The following EPHA7 variants were observed in gnomAD, a reference collection of about 807,000 sequenced individuals.
EPHA7 encodes the protein EPH receptor A7, also known as ephrin type-A receptor 7.
In EPHA7, 25 loss-of-function variants were observed where a neutral mutation model predicts 112.6. The ratio of observed to expected loss-of-function variants is 0.22; its 90% CI spans 0.16 to 0.31. The LOEUF (loss-of-function observed/expected upper bound fraction) is 0.31. EPHA7 is among the 10% of genes least tolerant of loss of function. The probability of loss-of-function intolerance (pLI) is 1.00; values close to 1 mark genes in which losing one functional copy is unlikely to be tolerated. For missense variants in EPHA7, 962 were observed against 1,212.6 expected, an observed-to-expected ratio of 0.79 and a Z score of 3.07; for synonymous variants, 437 against 406.5, an observed-to-expected ratio of 1.07 and a Z score of -0.90.
At chr6:93,315,981 A>T (rs1234407266) in intron 5 of EPHA7, among the ~76,000 whole-genome samples, 4 of 152,200 alleles carry the variant, frequency 2.6e-5, no homozygotes, top group Non-Finnish European at 5.9e-5. Context: ...TGTTGTAGAA[A>T]CTAAAGTTCC....
chr6:93,298,744 T>A (rs1356138286), intron 5 of EPHA7, among the ~76,000 whole-genome samples: 1 of 152,148 alleles, frequency 6.6e-6, no homozygotes, highest in African/African-American at 2.4e-5. Context: ...TAAGGGCTCT[T>A]GGTAGTTAAA....
At chr6:93,354,975 G>A (rs1218597837) in intron 5 of EPHA7, among the ~76,000 whole-genome samples, 1 of 152,008 alleles carries the variant, frequency 6.6e-6, no homozygotes, top group African/African-American at 2.4e-5. Context: ...TTATATTAAT[G>A]CTTCCAAAAG....
intron 5 of EPHA7, among the ~76,000 whole-genome samples, chr6:93,334,529 T>C (rs1449042943): frequency 3.9e-5 from 6 of 152,058 alleles, no homozygotes; most frequent in Non-Finnish European, 7.4e-5. Context: ...ATTAGGAACT[T>C]AAACTAATTT....
intron 6 of EPHA7, among the ~76,000 whole-genome samples, chr6:93,269,991 T>C (rs1329130159): frequency 6.6e-6 from 1 of 151,758 alleles, no homozygotes; most frequent in Non-Finnish European, 1.5e-5. Context: ...CTGTACAATC[T>C]ACAGTTTAGT....
At chr6:93,371,243 G>A (rs1776781128) in intron 3 of EPHA7, among the ~76,000 whole-genome samples, 1 of 136,622 alleles carries the variant, frequency 7.3e-6, no homozygotes, top group African/African-American at 2.5e-5. Flanking sequence ...CCCAACCATG[G>A]ATAATAAATA....
chr6:93,314,297 T>C (rs1773685400), intron 5 of EPHA7, among the ~76,000 whole-genome samples: 2 of 152,170 alleles, frequency 1.3e-5, no homozygotes, highest in Non-Finnish European at 2.9e-5. Flanking sequence ...CTTATTATAT[T>C]GTCTAACATT....
intron 3 of EPHA7, among the ~76,000 whole-genome samples, chr6:93,383,086 C>G (rs539590097): frequency 3.3e-5 from 5 of 152,022 alleles, no homozygotes; most frequent in African/African-American, 9.7e-5. Flanking sequence ...TTCCCCACTC[C>G]CTTAAATATT....
At chr6:93,388,265 AT>A (rs1458993978) in intron 3 of EPHA7, among the ~76,000 whole-genome samples, 3 of 152,172 alleles carry the variant, frequency 2.0e-5, no homozygotes, top group Non-Finnish European at 2.9e-5. Context: ...AAGGATATTC[AT>A]AATAGTCTTA....
intron 5 of EPHA7, among the ~76,000 whole-genome samples, chr6:93,336,857 AAT>A (rs1400553353): frequency 2.6e-5 from 4 of 151,752 alleles, no homozygotes; most frequent in Non-Finnish European, 4.4e-5. Context: ...TCAGTGGAGT[AAT>A]ATAAATTGGA....
intron 3 of EPHA7, among the ~76,000 whole-genome samples, chr6:93,402,730 T>C (rs1268648153): frequency 6.6e-6 from 1 of 152,044 alleles, no homozygotes; most frequent in Non-Finnish European, 1.5e-5. Flanking sequence ...TCTGTTATTT[T>C]TTGTTTTGCA....
chr6:93,418,555 G>T (rs1339356755), intron 1 of EPHA7, among the ~76,000 whole-genome samples: 1 of 152,218 alleles, frequency 6.6e-6, no homozygotes, highest in Non-Finnish European at 1.5e-5. Flanking sequence ...CTGCCCCCAT[G>T]ACCGCTGGGC....
At chr6:93,295,381 T>C (rs17448051) in intron 5 of EPHA7, among the ~76,000 whole-genome samples, 1 of 151,966 alleles carries the variant, frequency 6.6e-6, no homozygotes, top group African/African-American at 2.4e-5. Context: ...GTAGTTTCTG[T>C]AATTTTGTGT....
chr6:93,369,445 G>T (rs184986536), intron 3 of EPHA7, among the ~76,000 whole-genome samples: 1 of 152,090 alleles, frequency 6.6e-6, no homozygotes, highest in Non-Finnish European at 1.5e-5. Context: ...TCATTTAATT[G>T]TCTGTTAAAA....
intron 5 of EPHA7, among the ~76,000 whole-genome samples, chr6:93,329,527 T>C (rs1365650609): frequency 6.6e-6 from 1 of 151,310 alleles, no homozygotes; most frequent in Non-Finnish European, 1.5e-5. Context: ...TGCCATGAAC[T>C]GTGTATGAAT....
intron 5 of EPHA7, among the ~76,000 whole-genome samples, chr6:93,282,238 A>G (rs1470032757): frequency 6.6e-6 from 1 of 152,234 alleles, no homozygotes; most frequent in Non-Finnish European, 1.5e-5. Context: ...GGCAGATGTT[A>G]CACATTCTGT....
intron 2 of EPHA7, among the ~76,000 whole-genome samples, chr6:93,413,730 T>G (rs576796367): frequency 5.3e-5 from 8 of 152,040 alleles, no homozygotes; most frequent in African/African-American, 1.9e-4. Flanking sequence ...CTAAATATCT[T>G]AAACAGATTT....
At chr6:93,266,378 C>T (rs1432074118) in intron 7 of EPHA7, among the ~76,000 whole-genome samples, 1 of 151,514 alleles carries the variant, frequency 6.6e-6, no homozygotes, top group Non-Finnish European at 1.5e-5. Context: ...AGAAAGAGAA[C>T]TCTAATGAGA....
chr6:93,302,272 C>G (rs907334976), intron 5 of EPHA7, among the ~76,000 whole-genome samples: 3 of 152,268 alleles, frequency 2.0e-5, no homozygotes, highest in South Asian at 2.1e-4. Context: ...AGCTCACTGA[C>G]ATTTTTACTG....
chr6:93,395,882 A>G (rs763608499), intron 3 of EPHA7, among the ~76,000 whole-genome samples: 3 of 151,852 alleles, frequency 2.0e-5, no homozygotes, highest in Non-Finnish European at 4.4e-5. Flanking sequence ...TATCTCTACA[A>G]CAAAGACCCT....
Sources: allele counts gnomAD v4.1 joint callset (sites outside exome capture counted in the v4.1 genomes callset), GRCh38; gene constraint gnomAD v4.1.1; transcripts MANE v1.5; gene names NCBI Gene and HGNC (gene_info 2026-07-23, HGNC 2026-07-21).